MATN3: variants seen among roughly 807,000 people sequenced by gnomAD.
MATN3 encodes matrilin 3, also known as matrilin-3.
In MATN3, 48 loss-of-function variants were observed where a neutral mutation model predicts 45.3. That is an observed-to-expected ratio of 1.06 (90% CI 0.84 to 1.35). The LOEUF is 1.35. MATN3 is among the 40% of genes most tolerant of loss of function. MATN3 has a pLI of 0.00. For missense variants in MATN3, 599 were observed against 628.0 expected (o/e 0.95, Z 0.49); for synonymous variants, 217 against 245.9 (o/e 0.88, Z 1.10).
chr2:20,005,870 C>G lies in MATN3; in HGVS notation c.664G>C (p.Val222Leu). 6.2e-7 allele frequency: 1 copy of G among 1,608,874 alleles called. No individual in the cohort carries two copies. The highest frequency in any genetic ancestry group is 8.5e-7 in the Non-Finnish European group (1 of 1,177,596). The change falls in exon 2 of 8, where the codon GTG becomes CTG. Residue 222 changes from valine to leucine, a missense_variant. Transcript: ENST00000407540. Reference protein sequence around the residue: ...ASGIELYAVGVDRADMASLKM... With the variant: ...ASGIELYAVGLDRADMASLKM... ...AGGGACGCCATGTCTGCCCGGTCCA[C>G]GCCCACAGCATAGAGCTCAATACCA...
intron 1 of MATN3, among the ~76,000 whole-genome samples, chr2:20,008,995 G>A (rs546959029): frequency 6.6e-6 from 1 of 152,054 alleles, no homozygotes; most frequent in African/African-American, 2.4e-5. Context: ...GAGGCTGAGG[G>A]AGAAGGATCA....
chr2:19,993,033 A>G lies in MATN3; in HGVS notation c.*78T>C, dbSNP rs1672789693. 9.0e-6 allele frequency: 10 copies of G among 1,106,408 alleles called. No individual in the cohort carries two copies. In the East Asian group the frequency reaches 1.4e-4, roughly 16 times the overall value. 68.5% of individuals were successfully genotyped at this position (1,106,408 alleles called of 1,614,324 possible). A position where few individuals can be genotyped will look rare whatever the true frequency, so the allele number is the denominator to read the frequency against. On this transcript the variant is annotated 3_prime_UTR_variant, in exon 8 of 8. Transcript: ENST00000407540. ...CAAATTATTAGCAGGAACATTGGCAATAACAGGTGTGCAAAAGAATGCATG... is the reference window on the plus strand; with the variant it reads ...CAAATTATTAGCAGGAACATTGGCAGTAACAGGTGTGCAAAAGAATGCATG...
rs1558369899 is a variant in MATN3 at position 19,995,418 on chromosome 2, A to G, written c.1295-1009T>C. Among the ~76,000 whole-genome samples, 1 of 152,146 alleles carries G rather than the reference A, an allele frequency of 6.6e-6. No homozygotes were observed. Among genetic ancestry groups the G allele is most frequent in the Non-Finnish European group, 1.5e-5 (1 of 68,014 alleles). On this transcript the variant is annotated intron_variant, in intron 6 of 7. Transcript: ENST00000407540. The surrounding 1 kb of genome is among the most constrained non-coding windows in gnomAD (Gnocchi z 4.2). ...CAGTGAGCTGAGATCGCACCACTGC[A>G]CTCCAGCCTGGGTGACAGATTGAAA...
At chr2:20,011,852 C>T (rs1405771598) in intron 1 of MATN3, among the ~76,000 whole-genome samples, 1 of 152,190 alleles carries the variant, frequency 6.6e-6, no homozygotes, top group East Asian at 1.9e-4. Context: ...GAATCAATTG[C>T]TGACCAAAAA....
chr2:20,003,817 G>A (rs2103482979), intron 2 of MATN3, among the ~76,000 whole-genome samples: 1 of 152,324 alleles, frequency 6.6e-6, no homozygotes, highest in Non-Finnish European at 1.5e-5. Flanking sequence ...ACATGCAAAT[G>A]GTAGAGGACA....
At position 20,012,560 on chromosome 2, in the gene MATN3, G is replaced by A. The variant is rs1339687405; in HGVS notation, c.72C>T (p.Pro24=). ...LLLLWPLLLL[P]SAAPDPVARP... ...GGGCCACGGGGTCGGGGGCGGCGGA[G>A]GGCAGCAGCAGCAGCGGCCAGAGCA... Residue 24 remains proline (P), a synonymous_variant, in exon 1 of 8, where the codon CCC becomes CCT. Transcript: ENST00000407540. The surrounding 1 kb of genome is among the most constrained non-coding windows in gnomAD (Gnocchi z 4.3). 4.1e-6 allele frequency: 5 copies of A among 1,227,288 alleles called. No homozygotes were observed. In the East Asian group the frequency reaches 1.6e-4, roughly 39 times the overall value. The allele number at this position is 1,227,288 out of a possible 1,614,324, so 76.0% of individuals were successfully genotyped here.
Position 20,002,091 on chromosome 2 carries a change from A to G in MATN3, c.917-11T>C, listed in dbSNP as rs779818318. On this transcript the variant is annotated splice_polypyrimidine_tract_variant and intron_variant, in intron 3 of 7. Coordinates refer to ENST00000407540, the MANE Select transcript of MATN3 (RefSeq NM_002381.5). ...CACACCTATCAAGAGCTATCAAAAG[A>G]TGATTGGGACAAATGTAAATGCATG... 7.5e-6 allele frequency: 12 copies of G among 1,610,450 alleles called. No homozygotes were observed. In the African/African-American group the frequency reaches 9.3e-5, roughly 13 times the overall value.
rs370798785 is a variant in MATN3 at position 19,993,116 on chromosome 2, G to A, written c.1456C>T (p.Arg486Cys). ...LKINEYGQIH[R>C] The stretch of plus-strand genomic sequence containing the variant: ...AGGTGAGAAATTGGAGCAATTTAAC[G>A]ATGTATTTGTCCATATTCATTTATT... Residue 486 changes from arginine to cysteine, a missense_variant, in exon 8 of 8, where the codon CGT becomes TGT. Transcript: ENST00000407540. The A allele has an allele frequency of 3.5e-5, 56 of 1,612,026 alleles. No homozygotes were observed. The highest frequency in any genetic ancestry group is 1.3e-4 in the African/African-American group (10 of 74,866).
chr2:20,010,876 C>T (rs2103486407), intron 1 of MATN3, among the ~76,000 whole-genome samples: 1 of 152,352 alleles, frequency 6.6e-6, no homozygotes, highest in South Asian at 2.1e-4. Flanking sequence ...ACCATGGTGG[C>T]AGAAAATTCT....
intron 6 of MATN3, 146 bp from the exon 7 acceptor site, chr2:19,994,555 A>G (rs1440651495): frequency 6.9e-6 from 4 of 583,190 alleles, no homozygotes; most frequent in Non-Finnish European, 1.2e-5. Context: ...AGATGAACAA[A>G]CAAAAAGACG....
At position 19,996,657 on chromosome 2, in the gene MATN3, GT is replaced by G. The variant is rs576525745; in HGVS notation, c.1294+476del. Reference sequence around the variant, plus strand: ...ATCTGGGGGCAAATGTAGTAGAAAAGTTTTAAAAGCCAGGATGAGAGAAGTA... The same window carrying G: ...ATCTGGGGGCAAATGTAGTAGAAAAGTTTAAAAGCCAGGATGAGAGAAGTA... On this transcript the variant is annotated intron_variant, in intron 6 of 7. Transcript: ENST00000407540. 3.2e-3 allele frequency among the ~76,000 whole-genome samples: 482 copies of G among 152,282 alleles called. 4 individuals are homozygous for G. Among genetic ancestry groups the G allele is most frequent in the African/African-American group, 0.011 (463 of 41,562 alleles).
rs1216014166 is a variant in MATN3, at chr2:19,995,057, TC to T, written c.1295-649del. Among the ~76,000 whole-genome samples the T allele has an allele frequency of 6.6e-6, 1 of 152,070 alleles. No homozygotes were observed. Among genetic ancestry groups the T allele is most frequent in the Admixed American group, 6.6e-5 (1 of 15,262 alleles). ...GTGAGCCATGATCACACCACTGCAC[TC>T]CAGCCTGGGTAACAGAGTAAGACCC... On this transcript the variant is annotated intron_variant, in intron 6 of 7. Transcript: ENST00000407540. The surrounding 1 kb of genome is among the most constrained non-coding windows in gnomAD (Gnocchi z 4.2).
Position 20,003,293 on chromosome 2 carries a change from G to A in MATN3, c.791-7C>T, listed in dbSNP as rs1558373349. The A allele has an allele frequency of 3.1e-6, 5 of 1,608,634 alleles. No homozygotes were observed. The East Asian group carries it at 8.9e-5, about 29-fold the overall frequency. ...AGCACACAGGGGTCCAGCGCTGTGA[G>A]AGGAAGTTTACAACAGTCAGCACTG... On this transcript the variant is annotated splice_region_variant and splice_polypyrimidine_tract_variant and intron_variant, in intron 2 of 7. Transcript: ENST00000407540.
At chr2:19,997,463 A>G in intron 5 of MATN3, 1 of 476,794 alleles carries the variant, frequency 2.1e-6, no homozygotes, top group Non-Finnish European at 3.7e-6. Context: ...CATCACACAC[A>G]CTCCTTTCCT....
intron 1 of MATN3, among the ~76,000 whole-genome samples, chr2:20,010,906 C>T (rs1673209884): frequency 6.6e-6 from 1 of 152,232 alleles, no homozygotes; most frequent in Non-Finnish European, 1.5e-5. Context: ...TGGTTCCTTC[C>T]TGACTGGTAC....
chr2:20,001,901 G>T, intron 4 of MATN3, 54 bp downstream of exon 4: 1 of 1,568,764 alleles, frequency 6.4e-7, no homozygotes, highest in Non-Finnish European at 8.7e-7. Context: ...TTCCATCACC[G>T]GGTAGGTAGG....
At position 20,000,554 on chromosome 2, in the gene MATN3, C is replaced by T. The variant is rs761829161; in HGVS notation, c.1055G>A (p.Cys352Tyr). 6.2e-7 allele frequency: 1 copy of T among 1,608,302 alleles called. No homozygotes were observed. The highest frequency in any genetic ancestry group is 8.5e-7 in the Non-Finnish European group (1 of 1,178,288). Residue 352 changes from cysteine to tyrosine, a missense_variant, in exon 5 of 8, where the codon TGT (cysteine) becomes TAT (tyrosine). Cys to Tyr is a radical substitution (Grantham distance 194, BLOSUM62 -2). Coordinates refer to ENST00000407540, the MANE Select transcript of MATN3 (RefSeq NM_002381.5). ...DRKTCSAQDK[C>Y]ALGTHGCQHI... ...CTGACACCCATGGGTACCCAAAGCA[C>T]ATTTATCTTGAGCTGTGAAACAAAA... is the stretch of plus-strand genomic sequence containing the variant.
rs879279553 is a variant in MATN3, at chr2:20,012,593, G to T, written c.39C>A (p.Leu13=). ...GCAGCAGCGGCCAGAGCAGCAGGAG[G>T]AGTCCCGGGAGGCGGCGCGCGGGGG... ...RPAPARRLPG[L]LLLLWPLLLL... The change falls in exon 1 of 8, where the codon CTC becomes CTA. Residue 13 remains leucine, a synonymous_variant. Transcript: ENST00000407540. This position sits in a 1 kb window ranked among gnomAD's most constrained non-coding sequence, Gnocchi z 4.3. 4 of 1,223,088 alleles carry T rather than the reference G, an allele frequency of 3.3e-6. No individual in the cohort carries two copies. Among genetic ancestry groups the T allele is most frequent in the African/African-American group, 1.6e-5 (1 of 63,846 alleles). The allele number at this position is 1,223,088 out of a possible 1,614,324, so 75.8% of individuals were successfully genotyped here.
intron 3 of MATN3, among the ~76,000 whole-genome samples, chr2:20,002,825 G>C (rs1473370174): frequency 6.6e-6 from 1 of 151,474 alleles, no homozygotes; most frequent in Non-Finnish European, 1.5e-5. Flanking sequence ...GGCTAATCTC[G>C]AATTAGCCTC....
Sources: allele counts gnomAD v4.1 joint callset (sites outside exome capture counted in the v4.1 genomes callset), GRCh38; gene constraint gnomAD v4.1.1; non-coding constraint Gnocchi (gnomAD v3.1); transcripts MANE v1.5; gene names NCBI Gene and HGNC (gene_info 2026-07-23, HGNC 2026-07-21).